Variants in PEX26 observed in about 807,000 individuals in gnomAD.
The protein encoded by PEX26 is peroxisomal biogenesis factor 26.
PEX26 carries 18 observed loss-of-function variants against 31.4 expected under a neutral mutation model. The observed-to-expected ratio is 0.57, with a 90% CI of 0.40 to 0.85. The LOEUF is 0.85. PEX26 is among the 40% of genes least tolerant of loss of function. The pLI, the probability that PEX26 is intolerant of heterozygous loss-of-function variation, is 0.00. For missense variants in PEX26, 377 were observed against 383.9 expected (o/e 0.98, Z 0.15); for synonymous variants, 176 against 166.9 (o/e 1.05, Z -0.42).
In PEX26 at chr22:18,078,138, G is replaced by T. The variant is rs896815655; in HGVS notation, c.-239G>T. 12 of 678,268 alleles carry T rather than the reference G, an allele frequency of 1.8e-5. No individual in the cohort carries two copies. The highest frequency in any genetic ancestry group is 3.2e-5 in the Non-Finnish European group (12 of 369,466). The allele number at this position is 678,268 out of a possible 1,614,324, so 42.0% of individuals were successfully genotyped here. On this transcript the variant is annotated 5_prime_UTR_variant, in exon 1 of 5. Transcript: ENST00000399744. ...AGAAGCTAGGGCCAGGTATTCCAGG[G>T]ATGCAAGAATCCTGCAAATCTGACG...
chr22:18,079,382 C>G (rs1055838381), intron 1 of PEX26: 1 of 251,434 alleles, frequency 4.0e-6, no homozygotes, highest in Non-Finnish European at 6.3e-6. Context: ...TTTTAGGGGA[C>G]TGGGTGGGAG....
intron 1 of PEX26, 29 bp from the exon 2 acceptor site, chr22:18,079,845 C>G: frequency 6.2e-7 from 1 of 1,613,782 alleles, no homozygotes; most frequent in East Asian, 2.2e-5. Flanking sequence ...GGAACCACTT[C>G]TAACTGAAAT....
intron 2 of PEX26, among the ~76,000 whole-genome samples, chr22:18,082,199 G>A (rs1224763507): frequency 3.3e-5 from 5 of 151,832 alleles, no homozygotes; most frequent in Non-Finnish European, 7.4e-5. Flanking sequence ...TTGCTGTGCA[G>A]AAGTTTTTAG....
chr22:18,078,088 G>C lies in PEX26; in HGVS notation c.-289G>C, dbSNP rs1044211333. 8 of 593,180 alleles carry C rather than the reference G, an allele frequency of 1.3e-5. No individual in the cohort carries two copies. The highest frequency in any genetic ancestry group is 2.2e-5 in the Non-Finnish European group (7 of 315,998). 36.7% of individuals were successfully genotyped at this position (593,180 alleles called of 1,614,324 possible). Reference sequence around the variant, plus strand: ...TAACCAGGAGCCCGGAGCTGAGGCAGTTCCTGCACGTGTCGCGGGGCCGGA... The same window carrying C: ...TAACCAGGAGCCCGGAGCTGAGGCACTTCCTGCACGTGTCGCGGGGCCGGA... On this transcript the variant is annotated 5_prime_UTR_variant, in exon 1 of 5. Transcript: ENST00000399744.
rs965187527 is a variant in PEX26, at chr22:18,078,279, T to C, written c.-98T>C. 6 of 856,590 alleles carry C rather than the reference T, an allele frequency of 7.0e-6. No individual in the cohort carries two copies. The Admixed American group carries it at 9.9e-5, about 14-fold the overall frequency. 53.1% of individuals were successfully genotyped at this position (856,590 alleles called of 1,614,324 possible). A position where few individuals can be genotyped will look rare whatever the true frequency, so the allele number is the denominator to read the frequency against. Reference sequence around the variant, plus strand: ...GGGGTGTGGGCAAAGAGATGAGGACTCTCCCTCTTCGCCCAGGCCAACTCG... The same window carrying C: ...GGGGTGTGGGCAAAGAGATGAGGACCCTCCCTCTTCGCCCAGGCCAACTCG... On this transcript the variant is annotated 5_prime_UTR_variant, in exon 1 of 5. Transcript: ENST00000399744.
At chr22:18,086,775 C>T (rs1182719625) in intron 4 of PEX26, among the ~76,000 whole-genome samples, 1 of 152,144 alleles carries the variant, frequency 6.6e-6, no homozygotes, top group Non-Finnish European at 1.5e-5. Flanking sequence ...ATACTGGTCC[C>T]TTCAAATGGT....
Position 18,078,576 on chromosome 22 carries a change from A to G in PEX26, c.200A>G (p.Asn67Ser), listed in dbSNP as rs201884779. ...TCERAWQSLA[N>S]HAVAEEPAGT... ...GAGCGGGCCTGGCAGAGTCTGGCCA[A>G]CCACGCCGTGGCAGAGGAACCCGCG... The change falls in exon 1 of 5, where the codon AAC (asparagine) becomes AGC (serine). Residue 67 changes from asparagine (N) to serine (S), a missense_variant. Asn to Ser is a conservative substitution (Grantham distance 46). Transcript: ENST00000399744. The G allele has an allele frequency of 2.7e-3, 4,269 of 1,599,366 alleles. 8 individuals carry two copies. Among genetic ancestry groups the G allele is most frequent in the Non-Finnish European group, 3.4e-3 (3,938 of 1,175,448 alleles).
Position 18,093,279 on chromosome 22 carries a change from T to G in PEX26, c.*5204T>G. 6.6e-6 allele frequency: 1 copy of G among 152,262 alleles called. No individual in the cohort carries two copies. The highest frequency in any genetic ancestry group is 3.4e-3 in the Middle Eastern group (1 of 294). 9.4% of individuals were successfully genotyped at this position (152,262 alleles called of 1,614,324 possible). On this transcript the variant is annotated 3_prime_UTR_variant, in exon 5 of 5. Coordinates refer to ENST00000399744, the MANE Select transcript of PEX26 (RefSeq NM_001127649.3). ...TTCATTTAAATTAAAGAAAAAAACC[T>G]GGCCGGGCGCGGTGGCTCACGCCTG...
At position 18,104,984 on chromosome 22, in the gene PEX26, C is replaced by T. The variant is rs1927574024; in HGVS notation, c.*16909C>T. The T allele has an allele frequency of 6.6e-6, 1 of 152,222 alleles. No individual in the cohort carries two copies. Among genetic ancestry groups the T allele is most frequent in the Non-Finnish European group, 1.5e-5 (1 of 68,052 alleles). The allele number at this position is 152,222 out of a possible 1,614,324, so 9.4% of individuals were successfully genotyped here. A position where few individuals can be genotyped will look rare whatever the true frequency, so the allele number is the denominator to read the frequency against. On this transcript the variant is annotated 3_prime_UTR_variant, in exon 5 of 5. Transcript: ENST00000399744. ...ACTTGGGGCTAACCAAAGTTAAATA[C>T]ATATGACAAGTACCTGAATCTAGAT...
intron 3 of PEX26, 72 bp from the exon 4 acceptor site, chr22:18,085,040 A>G: frequency 1.9e-6 from 3 of 1,561,636 alleles, no homozygotes; most frequent in Non-Finnish European, 1.8e-6. Flanking sequence ...CTTAGAAGCA[A>G]GCACAGAGGT....
intron 2 of PEX26, 76 bp downstream of exon 2, chr22:18,080,090 C>G: frequency 1.3e-6 from 2 of 1,487,044 alleles, no homozygotes; most frequent in Non-Finnish European, 1.9e-6. Context: ...AATACCTACT[C>G]TTTTCCCCTT....
At position 18,092,172 on chromosome 22, in the gene PEX26, G is replaced by C. The variant is rs1000829619; in HGVS notation, c.*4097G>C. ...GATGGACTTTGGCCTCACATCCACA[G>C]ATGGGGCCTGTGGGAATTCTACTGA... On this transcript the variant is annotated 3_prime_UTR_variant, in exon 5 of 5. Transcript: ENST00000399744. 32 of 152,284 alleles carry C rather than the reference G, an allele frequency of 2.1e-4. No homozygotes were observed. The highest frequency in any genetic ancestry group is 7.5e-4 in the African/African-American group (31 of 41,464). The allele number at this position is 152,284 out of a possible 1,614,324, so 9.4% of individuals were successfully genotyped here. A position where few individuals can be genotyped will look rare whatever the true frequency, so the allele number is the denominator to read the frequency against.
At chr22:18,082,068 T>G (rs1182914713) in intron 2 of PEX26, among the ~76,000 whole-genome samples, 4 of 104,954 alleles carry the variant, frequency 3.8e-5, no homozygotes, top group Non-Finnish European at 9.8e-5. Flanking sequence ...TCAGGTTTTT[T>G]TTTTTTTTTT....
chr22:18,080,454 C>T (rs1231289882), intron 2 of PEX26, among the ~76,000 whole-genome samples: 4 of 152,118 alleles, frequency 2.6e-5, no homozygotes, highest in African/African-American at 7.2e-5. Flanking sequence ...CTCAGCCTCC[C>T]GAGTAGCTGG....
rs1404086078 is a variant in PEX26, at chr22:18,090,299, C to G, written c.*2224C>G. The G allele has an allele frequency of 6.6e-6, 1 of 152,222 alleles. No homozygotes were observed. The highest frequency in any genetic ancestry group is 2.4e-5 in the African/African-American group (1 of 41,438). 9.4% of individuals were successfully genotyped at this position (152,222 alleles called of 1,614,324 possible). Reference sequence around the variant, plus strand: ...AAATTCTTCATGGAATTGAAGGCCCCTATGTGCTGGTTTTGGCTAAGATCT... The same window carrying G: ...AAATTCTTCATGGAATTGAAGGCCCGTATGTGCTGGTTTTGGCTAAGATCT... On this transcript the variant is annotated 3_prime_UTR_variant, in exon 5 of 5. Transcript: ENST00000399744.
chr22:18,085,903 G>A (rs1397271975), intron 4 of PEX26, among the ~76,000 whole-genome samples: 1 of 151,964 alleles, frequency 6.6e-6, no homozygotes, highest in African/African-American at 2.4e-5. Context: ...AAAAACTTCC[G>A]CTCATCAGAA....
Position 18,088,147 on chromosome 22 carries a change from A to C in PEX26, c.*72A>C, listed in dbSNP as rs753174722. On this transcript the variant is annotated 3_prime_UTR_variant, in exon 5 of 5. Coordinates refer to ENST00000399744, the MANE Select transcript of PEX26 (RefSeq NM_001127649.3). The surrounding 1 kb of genome is among the most constrained non-coding windows in gnomAD (Gnocchi z 4.1). Reference sequence around the variant, plus strand: ...CAGAAGCAGAGCGACAGAGCGACACATCCACAGGCGCCCCTGGGGAAATGG... The same window carrying C: ...CAGAAGCAGAGCGACAGAGCGACACCTCCACAGGCGCCCCTGGGGAAATGG... 1 of 1,014,126 alleles carries C rather than the reference A, an allele frequency of 9.9e-7. No individual in the cohort carries two copies. The highest frequency in any genetic ancestry group is 1.6e-6 in the Non-Finnish European group (1 of 640,596). 62.8% of individuals were successfully genotyped at this position (1,014,126 alleles called of 1,614,324 possible).
In PEX26 at chr22:18,103,570, A is replaced by G. The variant is rs1455101278; in HGVS notation, c.*15495A>G. 6.6e-6 allele frequency: 1 copy of G among 152,298 alleles called. No individual in the cohort carries two copies. Among genetic ancestry groups the G allele is most frequent in the Non-Finnish European group, 1.5e-5 (1 of 68,098 alleles). The allele number at this position is 152,298 out of a possible 1,614,324, so 9.4% of individuals were successfully genotyped here. A position where few individuals can be genotyped will look rare whatever the true frequency, so the allele number is the denominator to read the frequency against. ...CATGTCATCCATGATAATGTGTACT[A>G]TATATCCAACCACAACATCAAATTC... On this transcript the variant is annotated 3_prime_UTR_variant, in exon 5 of 5. Transcript: ENST00000399744.
At position 18,078,092 on chromosome 22, in the gene PEX26, CT is replaced by C; in HGVS notation, c.-284del. On this transcript the variant is annotated 5_prime_UTR_variant, in exon 1 of 5. The change abolishes the stop of an existing upstream ORF in the 5' untranslated region. Coordinates refer to ENST00000399744, the MANE Select transcript of PEX26 (RefSeq NM_001127649.3). ...CAGGAGCCCGGAGCTGAGGCAGTTC[CT>C]GCACGTGTCGCGGGGCCGGAGAAGC... 1.7e-6 allele frequency: 1 copy of C among 599,184 alleles called. No individual in the cohort carries two copies. Among genetic ancestry groups the C allele is most frequent in the Non-Finnish European group, 3.1e-6 (1 of 319,690 alleles). The allele number at this position is 599,184 out of a possible 1,614,324, so 37.1% of individuals were successfully genotyped here. A position where few individuals can be genotyped will look rare whatever the true frequency, so the allele number is the denominator to read the frequency against.
Sources: allele counts gnomAD v4.1 joint callset (sites outside exome capture counted in the v4.1 genomes callset), GRCh38; gene constraint gnomAD v4.1.1; non-coding constraint Gnocchi (gnomAD v3.1); transcripts MANE v1.5; gene names NCBI Gene and HGNC (gene_info 2026-07-23, HGNC 2026-07-21).